The following ARMH3 variants were observed in gnomAD, a reference collection of about 807,000 sequenced individuals.
The protein encoded by ARMH3 is armadillo-like helical domain-containing protein 3.
ARMH3 carries 60 observed loss-of-function variants against 99.1 expected under a neutral mutation model. The observed-to-expected ratio is 0.61, with a 90% CI of 0.49 to 0.75. ARMH3 has a LOEUF of 0.75. ARMH3 is among the 30% of genes least tolerant of loss of function. The pLI, the probability that ARMH3 is intolerant of heterozygous loss-of-function variation, is 0.00. For missense variants in ARMH3, 679 were observed against 843.1 expected (o/e 0.81, Z 2.41); for synonymous variants, 285 against 292.8 (o/e 0.97, Z 0.27).
chr10:101,975,065 A>AAAAAAAAAAAAAC (rs1272423332), intron 20 of ARMH3, 147 bp downstream of exon 20: 1 of 409,224 alleles, frequency 2.4e-6, no homozygotes, highest in African/African-American at 2.1e-5. Context: ...AAAAAAAAAA[A>AAAAAAAAAAAAAC]AAAAAAAAAG....
chr10:101,987,151 C>T (rs777451491), intron 19 of ARMH3, among the ~76,000 whole-genome samples: 30 of 152,208 alleles, frequency 2.0e-4, no homozygotes, highest in Non-Finnish European at 3.7e-4. Context: ...TCAACTGTTC[C>T]TCATCATCCA....
At chr10:101,875,078 C>T (rs1279514564) in intron 24 of ARMH3, among the ~76,000 whole-genome samples, 5 of 152,146 alleles carry the variant, frequency 3.3e-5, no homozygotes, top group Non-Finnish European at 1.5e-5. Context: ...AATAAATCTG[C>T]GGAACATTAA....
At chr10:101,932,465 A>G (rs905038660) in intron 23 of ARMH3, among the ~76,000 whole-genome samples, 18 of 152,240 alleles carry the variant, frequency 1.2e-4, no homozygotes, top group African/African-American at 4.3e-4. Flanking sequence ...ACATACACTC[A>G]TGTTCACACT....
chr10:101,929,483 T>C (rs1266638417), intron 23 of ARMH3, among the ~76,000 whole-genome samples: 2 of 152,256 alleles, frequency 1.3e-5, no homozygotes, highest in African/African-American at 4.8e-5. Context: ...GTCCTGTTTC[T>C]AGTGAGTCCT....
At chr10:101,964,585 T>C (rs1003644385) in intron 20 of ARMH3, among the ~76,000 whole-genome samples, 2 of 152,176 alleles carry the variant, frequency 1.3e-5, no homozygotes, top group East Asian at 3.8e-4. Context: ...TAGATGAACC[T>C]TGAAGATATT....
At chr10:101,857,294 C>A (rs951755725) in intron 24 of ARMH3, among the ~76,000 whole-genome samples, 2 of 152,240 alleles carry the variant, frequency 1.3e-5, no homozygotes, top group Admixed American at 6.5e-5. Flanking sequence ...GCCATCTCTA[C>A]TAAAAATACA....
intron 24 of ARMH3, among the ~76,000 whole-genome samples, chr10:101,884,152 A>G (rs1433273059): frequency 6.6e-6 from 1 of 152,150 alleles, no homozygotes; most frequent in East Asian, 1.9e-4. Context: ...AAGAGAAGAG[A>G]GCTAGAGGAG....
At chr10:101,932,462 C>T (rs183348518) in intron 23 of ARMH3, among the ~76,000 whole-genome samples, 1 of 152,306 alleles carries the variant, frequency 6.6e-6, no homozygotes, top group Admixed American at 6.5e-5. Context: ...TTTACATACA[C>T]TCATGTTCAC....
At chr10:101,856,737 TG>T (rs1460210875) in intron 24 of ARMH3, among the ~76,000 whole-genome samples, 1 of 152,180 alleles carries the variant, frequency 6.6e-6, no homozygotes, top group Non-Finnish European at 1.5e-5. Flanking sequence ...CTAGAGAATA[TG>T]ATTTTTTGAA....
chr10:102,021,455 T>C (rs1287721858), intron 8 of ARMH3, among the ~76,000 whole-genome samples: 1 of 150,280 alleles, frequency 6.7e-6, no homozygotes, highest in Non-Finnish European at 1.5e-5. Context: ...TAATCATGGC[T>C]CACTGTAGCC....
At chr10:101,852,639 C>A (rs1056503272) in intron 24 of ARMH3, among the ~76,000 whole-genome samples, 1 of 151,938 alleles carries the variant, frequency 6.6e-6, no homozygotes, top group African/African-American at 2.4e-5. Context: ...ATCCCAGCAA[C>A]TTTGGAGGCT....
At chr10:101,978,254 T>G (rs1312340442) in intron 19 of ARMH3, among the ~76,000 whole-genome samples, 1 of 149,996 alleles carries the variant, frequency 6.7e-6, no homozygotes, top group African/African-American at 2.5e-5. Flanking sequence ...ATTACACACA[T>G]GTTCCAGATT....
chr10:101,898,196 TTTTA>T (rs1488038220), intron 23 of ARMH3, among the ~76,000 whole-genome samples: 10 of 151,852 alleles, frequency 6.6e-5, no homozygotes, highest in Non-Finnish European at 1.5e-4. Context: ...AATTTTTTTT[TTTTA>T]AAATTAGCTG....
At chr10:101,893,652 A>C (rs1444275315) in intron 23 of ARMH3, among the ~76,000 whole-genome samples, 1 of 151,890 alleles carries the variant, frequency 6.6e-6, no homozygotes, top group East Asian at 1.9e-4. Context: ...AAGGAAACAA[A>C]GCAAGGACAT....
intron 22 of ARMH3, among the ~76,000 whole-genome samples, chr10:101,947,575 C>T (rs1009523359): frequency 2.0e-5 from 3 of 151,402 alleles, no homozygotes; most frequent in East Asian, 1.9e-4. Context: ...CCAAGGCAGG[C>T]GGATCACCTG....
chr10:101,904,344 A>G (rs1222057155), intron 23 of ARMH3, among the ~76,000 whole-genome samples: 1 of 152,128 alleles, frequency 6.6e-6, no homozygotes, highest in Non-Finnish European at 1.5e-5. Flanking sequence ...ACACACACAC[A>G]TTCCCTCAGC....
chr10:102,029,161 C>T (rs1248085979), intron 5 of ARMH3, among the ~76,000 whole-genome samples: 1 of 152,218 alleles, frequency 6.6e-6, no homozygotes, highest in Non-Finnish European at 1.5e-5. Context: ...AGGCATGAGC[C>T]ATGGCGCCTG....
intron 24 of ARMH3, among the ~76,000 whole-genome samples, chr10:101,875,523 CT>C (rs1450780830): frequency 1.3e-5 from 2 of 152,090 alleles, no homozygotes; most frequent in Admixed American, 6.6e-5. Flanking sequence ...TTTTTCCCCC[CT>C]TTCTATTTTC....
At chr10:101,963,918 C>T (rs1845424417) in intron 20 of ARMH3, among the ~76,000 whole-genome samples, 1 of 150,210 alleles carries the variant, frequency 6.7e-6, no homozygotes, top group Admixed American at 6.6e-5. Context: ...GCTCTGTCGC[C>T]CAGGCTGGAC....
Sources: gnomAD v4.1 joint callset for allele counts (sites outside exome capture counted in the v4.1 genomes callset) on GRCh38, gnomAD v4.1.1 for gene constraint, MANE v1.5 for transcripts, NCBI Gene and HGNC (gene_info 2026-07-23, HGNC 2026-07-21) for gene names.